The following PACRG variants were observed in gnomAD, a reference collection of about 807,000 sequenced individuals.
The protein encoded by PACRG is parkin coregulated gene protein.
A neutral mutation model predicts 29.7 loss-of-function variants in PACRG; 29 were observed. That is an observed-to-expected ratio of 0.98 (90% CI 0.73 to 1.33). The LOEUF is 1.33. PACRG is among the 40% of genes most tolerant of loss of function. The pLI, the probability that PACRG is intolerant of heterozygous loss-of-function variation, is 0.00. For synonymous variants in PACRG, 116 were observed against 118.7 expected, an observed-to-expected ratio of 0.98 and a Z score of 0.15; for missense variants, 279 against 316.2, an observed-to-expected ratio of 0.88 and a Z score of 0.89.
rs189647764 is a variant in PACRG, at chr6:163,135,807, A to G, written c.613+46399A>G. 1.3e-3 allele frequency among the ~76,000 whole-genome samples: 205 copies of G among 152,352 alleles called. No individual in the cohort carries two copies. The Middle Eastern group carries it at 0.014, about 10-fold the overall frequency. ...TCGACAAGCCGGCTGACGCTTGTAA[A>G]TGCCCAACATCTGAATCCTTGTTAA... is the stretch of plus-strand genomic sequence containing the variant. On this transcript the variant is annotated intron_variant, in intron 4 of 4. Transcript: ENST00000366888.
At chr6:162,748,655 A>T (rs1781280976) in intron 1 of PACRG, among the ~76,000 whole-genome samples, 1 of 152,184 alleles carries the variant, frequency 6.6e-6, no homozygotes, top group South Asian at 2.1e-4. Context: ...TAACAGGTAA[A>T]GTATAGAAAA....
chr6:163,092,166 A>G (rs1435136760), intron 4 of PACRG, among the ~76,000 whole-genome samples: 1 of 152,256 alleles, frequency 6.6e-6, no homozygotes, highest in African/African-American at 2.4e-5. Flanking sequence ...GTCTGTCAGC[A>G]TCCCCTCAAA....
chr6:162,954,463 G>T (rs770101864), intron 2 of PACRG, among the ~76,000 whole-genome samples: 14 of 150,548 alleles, frequency 9.3e-5, no homozygotes, highest in Non-Finnish European at 3.0e-5. Context: ...ATGGCCTAAA[G>T]GTTCTCAATT....
chr6:163,068,351 A>C (rs1214768637), intron 3 of PACRG, among the ~76,000 whole-genome samples: 1 of 152,060 alleles, frequency 6.6e-6, no homozygotes, highest in Non-Finnish European at 1.5e-5. Context: ...CCAGAGTCTT[A>C]TGTTGCTTTG....
chr6:163,012,417 A>G (rs61088932), intron 2 of PACRG, among the ~76,000 whole-genome samples: 28,770 of 152,202 alleles, frequency 0.19, 3,422 homozygotes, highest in African/African-American at 0.32. Flanking sequence ...TCAGCAAATA[A>G]CAAGGAACAC....
chr6:163,251,268 TTAA>T (rs1266533064), intron 4 of PACRG, among the ~76,000 whole-genome samples: 1 of 151,920 alleles, frequency 6.6e-6, no homozygotes, highest in African/African-American at 2.4e-5. Context: ...AAATAAAATA[TTAA>T]TAATAAAATT....
chr6:163,019,269 A>G (rs1457500028), intron 2 of PACRG, among the ~76,000 whole-genome samples: 1 of 152,192 alleles, frequency 6.6e-6, no homozygotes, highest in Non-Finnish European at 1.5e-5. Flanking sequence ...ATTGGTCAAG[A>G]TAACTTTTCT....
chr6:162,815,147 G>A (rs1273647571), intron 2 of PACRG, among the ~76,000 whole-genome samples: 1 of 152,164 alleles, frequency 6.6e-6, no homozygotes, highest in African/African-American at 2.4e-5. Flanking sequence ...GCACACTTAT[G>A]AGTATCACAT....
Position 162,997,924 on chromosome 6 carries a change from G to A in PACRG, c.292-64226G>A, listed in dbSNP as rs980918753. On this transcript the variant is annotated intron_variant, in intron 2 of 4. Coordinates refer to ENST00000366888, the MANE Select transcript of PACRG (RefSeq NM_001080379.2). ...AGTCTGGATGCTAATTCCTTGCCAG[G>A]AGATACACTCCCTCCTTTCTCAGAG... Among the ~76,000 whole-genome samples the A allele has an allele frequency of 2.4e-4, 36 of 152,152 alleles. 1 individual carries two copies. Among genetic ancestry groups the A allele is most frequent in the Non-Finnish European group, 4.1e-4 (28 of 68,038 alleles).
At chr6:163,181,512 C>A (rs1481224497) in intron 4 of PACRG, among the ~76,000 whole-genome samples, 1 of 151,574 alleles carries the variant, frequency 6.6e-6, no homozygotes, top group Non-Finnish European at 1.5e-5. Context: ...CTCCCCTCCC[C>A]CTTCCAAGGA....
rs145179379 is a variant in PACRG at position 162,857,831 on chromosome 6, C to T, written c.291+43550C>T. Reference sequence around the variant, plus strand: ...AGATCTAAGATATAAAATATGTTCTCGTTGCCCACACTTAAATGCAACTGT... The same window carrying T: ...AGATCTAAGATATAAAATATGTTCTTGTTGCCCACACTTAAATGCAACTGT... On this transcript the variant is annotated intron_variant, in intron 2 of 4. Coordinates refer to ENST00000366888, the MANE Select transcript of PACRG (RefSeq NM_001080379.2). Among the ~76,000 whole-genome samples the T allele has an allele frequency of 1.9e-3, 288 of 150,868 alleles. 2 individuals carry two copies. The highest frequency in any genetic ancestry group is 6.7e-3 in the African/African-American group (273 of 41,020).
intron 1 of PACRG, among the ~76,000 whole-genome samples, chr6:162,793,384 G>C (rs1024520991): frequency 6.6e-6 from 1 of 152,140 alleles, no homozygotes; most frequent in Non-Finnish European, 1.5e-5. Flanking sequence ...TTTTTCAGAA[G>C]TAAAGAGTAA....
At chr6:163,277,634 CGT>C (rs1301066491) in intron 4 of PACRG, among the ~76,000 whole-genome samples, 2 of 145,644 alleles carry the variant, frequency 1.4e-5, no homozygotes, top group Non-Finnish European at 3.0e-5. Context: ...TATATACATA[CGT>C]GTATATATAT....
chr6:162,869,327 T>C (rs1018399093), intron 2 of PACRG, among the ~76,000 whole-genome samples: 1 of 152,188 alleles, frequency 6.6e-6, no homozygotes, highest in African/African-American at 2.4e-5. Flanking sequence ...TGCAAAAGGC[T>C]GAAATTTATT....
chr6:162,812,081 G>A (rs142125535), intron 1 of PACRG, among the ~76,000 whole-genome samples: 4 of 152,100 alleles, frequency 2.6e-5, no homozygotes, highest in Admixed American at 6.5e-5. Context: ...GCTAGGGGAC[G>A]AAGGTTAAGG....
At position 162,952,298 on chromosome 6, in the gene PACRG, G is replaced by GT. The variant is rs555487395; in HGVS notation, c.292-109845dup. Among the ~76,000 whole-genome samples the GT allele has an allele frequency of 1.9e-3, 282 of 152,204 alleles. 1 individual carries two copies. Among genetic ancestry groups the GT allele is most frequent in the African/African-American group, 6.0e-3 (250 of 41,522 alleles). On this transcript the variant is annotated intron_variant, in intron 2 of 4. Coordinates refer to ENST00000366888, the MANE Select transcript of PACRG (RefSeq NM_001080379.2). ...AATAGTCTGAACCTATTTACATCTAGTTTTTTTGCCTTTCAGCAGCTAGGT... is the reference window on the plus strand; with the variant it reads ...AATAGTCTGAACCTATTTACATCTAGTTTTTTTTGCCTTTCAGCAGCTAGGT...
chr6:162,767,534 T>A (rs955807400), intron 1 of PACRG, among the ~76,000 whole-genome samples: 1 of 151,778 alleles, frequency 6.6e-6, no homozygotes. Context: ...AGGTGTTTTT[T>A]TTTGTTTTTG....
chr6:162,824,641 A>G (rs1056845889), intron 2 of PACRG, among the ~76,000 whole-genome samples: 1 of 152,206 alleles, frequency 6.6e-6, no homozygotes, highest in Non-Finnish European at 1.5e-5. Flanking sequence ...TTAATGGACT[A>G]TATTCCTTTG....
At position 163,216,172 on chromosome 6, in the gene PACRG, G is replaced by A. The variant is rs147176833; in HGVS notation, c.614-98655G>A. ...TGTGTTGTCTAATAGAGAGCTGGCC[G>A]TTGTAAAGAGCATCTGGGGACAGCT... On this transcript the variant is annotated intron_variant, in intron 4 of 4. Coordinates refer to ENST00000366888, the MANE Select transcript of PACRG (RefSeq NM_001080379.2). Among the ~76,000 whole-genome samples the A allele has an allele frequency of 2.9e-3, 445 of 152,330 alleles. 1 individual carries two copies. The highest frequency in any genetic ancestry group is 0.01 in the African/African-American group (426 of 41,570).
Sources: allele counts gnomAD v4.1 joint callset (sites outside exome capture counted in the v4.1 genomes callset), GRCh38; gene constraint gnomAD v4.1.1; transcripts MANE v1.5; gene names NCBI Gene and HGNC (gene_info 2026-07-23, HGNC 2026-07-21).